FAM185A: variants seen among roughly 807,000 people sequenced by gnomAD.
The protein encoded by FAM185A is family with sequence similarity 185 member A.
A neutral mutation model predicts 45.7 loss-of-function variants in FAM185A; 21 were observed. That is an observed-to-expected ratio of 0.46 (90% CI 0.33 to 0.66). FAM185A has a LOEUF of 0.66. Ranked by LOEUF, FAM185A falls within the 30% of genes least tolerant of loss-of-function variation. The pLI, the probability that FAM185A is intolerant of heterozygous loss-of-function variation, is 0.03. For missense variants in FAM185A, 305 were observed against 485.4 expected, an observed-to-expected ratio of 0.63 and a Z score of 3.49; for synonymous variants, 117 against 194.0, an observed-to-expected ratio of 0.60 and a Z score of 3.30.
chr7:102,826,559 A>C, the FAM185A span, among the ~76,000 whole-genome samples: 2 of 150,910 alleles, frequency 1.3e-5, no homozygotes, highest in African/African-American at 2.4e-5. Flanking sequence ...AACATGGTGA[A>C]ACCCCATATC....
At chr7:102,841,267 T>G in the FAM185A span, among the ~76,000 whole-genome samples, 1 of 152,186 alleles carries the variant, frequency 6.6e-6, no homozygotes, top group Non-Finnish European at 1.5e-5. Context: ...TTTTTTAACT[T>G]TTGGCAAGTT....
At chr7:102,783,616 C>A (rs1326723072) in intron 6 of FAM185A, among the ~76,000 whole-genome samples, 1 of 148,920 alleles carries the variant, frequency 6.7e-6, no homozygotes, top group Non-Finnish European at 1.5e-5. Context: ...AACAAAGACA[C>A]AACATACCAG....
Position 102,808,530 on chromosome 7 carries a change from T to C in FAM185A, c.*128T>C. ...TGAGAATGAATACTGGTGAACTGTT[T>C]TGGGAGGCTTTTTCAAAATTTGTGC... is the stretch of plus-strand genomic sequence containing the variant. On this transcript the variant is annotated 3_prime_UTR_variant, in exon 8 of 8. Coordinates refer to ENST00000413034, the MANE Select transcript of FAM185A (RefSeq NM_001145268.2). 1 of 650,262 alleles carries C rather than the reference T, an allele frequency of 1.5e-6. No homozygotes were observed. Among genetic ancestry groups the C allele is most frequent in the Non-Finnish European group, 2.7e-6 (1 of 375,282 alleles). The allele number at this position is 650,262 out of a possible 1,614,324, so 40.3% of individuals were successfully genotyped here.
Position 102,761,393 on chromosome 7 carries a change from A to G in FAM185A, c.775A>G (p.Thr259Ala). 1 of 1,531,798 alleles carries G rather than the reference A, an allele frequency of 6.5e-7. No individual in the cohort carries two copies. The highest frequency in any genetic ancestry group is 8.8e-7 in the Non-Finnish European group (1 of 1,140,244). The allele number at this position is 1,531,798 out of a possible 1,614,324, so 94.9% of individuals were successfully genotyped here. The change falls in exon 4 of 8, where the codon ACA (threonine) becomes GCA (alanine). Residue 259 changes from threonine to alanine, a missense_variant. Physicochemically the swap from Thr to Ala is moderately conservative, Grantham distance 58. Coordinates refer to ENST00000413034, the MANE Select transcript of FAM185A (RefSeq NM_001145268.2). Reference protein sequence around the residue: ...SFLSSAAGDITLGSVHGNITL... With the variant: ...SFLSSAAGDIALGSVHGNITL... The stretch of plus-strand genomic sequence containing the variant: ...TCTGTCTTCTGCTGCTGGGGATATT[A>G]CATTAGGAAGTGTTCATGGTAAGCT...
the FAM185A span, among the ~76,000 whole-genome samples, chr7:102,840,978 A>G: frequency 6.6e-6 from 1 of 152,146 alleles, no homozygotes; most frequent in African/African-American, 2.4e-5. Flanking sequence ...GGGCTTTAGG[A>G]TGAGGAAATA....
At chr7:102,803,236 A>C (rs1796898780) in intron 7 of FAM185A, among the ~76,000 whole-genome samples, 1 of 152,166 alleles carries the variant, frequency 6.6e-6, no homozygotes, top group Non-Finnish European at 1.5e-5. Flanking sequence ...CAAAAAAGAA[A>C]ACTACAGGCT....
the FAM185A span, among the ~76,000 whole-genome samples, chr7:102,847,948 C>T: frequency 6.6e-6 from 1 of 152,154 alleles, no homozygotes; most frequent in African/African-American, 2.4e-5. Context: ...AATACATATA[C>T]ACATTGACAT....
intron 7 of FAM185A, among the ~76,000 whole-genome samples, chr7:102,798,035 A>G (rs534135927): frequency 6.6e-6 from 1 of 152,352 alleles, no homozygotes; most frequent in South Asian, 2.1e-4. Context: ...AAAAGAACAT[A>G]GAGATTCATA....
At chr7:102,823,721 T>C in the FAM185A span, among the ~76,000 whole-genome samples, 2 of 152,226 alleles carry the variant, frequency 1.3e-5, no homozygotes, top group Non-Finnish European at 2.9e-5. Context: ...CTGAAAAACA[T>C]AGGCCGTGAG....
At chr7:102,828,494 T>A in the FAM185A span, among the ~76,000 whole-genome samples, 1 of 152,222 alleles carries the variant, frequency 6.6e-6, no homozygotes, top group East Asian at 1.9e-4. Flanking sequence ...AGGATTGTCA[T>A]GGGGAATCCC....
At chr7:102,761,901 C>T (rs1211979052) in intron 4 of FAM185A, among the ~76,000 whole-genome samples, 1 of 152,070 alleles carries the variant, frequency 6.6e-6, no homozygotes, top group Non-Finnish European at 1.5e-5. Context: ...TGGGCCCAAG[C>T]GACCCACCCC....
At chr7:102,754,651 T>TA (rs1220566780) in intron 2 of FAM185A, among the ~76,000 whole-genome samples, 5 of 152,116 alleles carry the variant, frequency 3.3e-5, no homozygotes, top group African/African-American at 4.8e-5. Context: ...TTCACATAGC[T>TA]AAAAAAAATT....
intron 7 of FAM185A, among the ~76,000 whole-genome samples, chr7:102,792,956 A>G (rs1796220779): frequency 6.6e-6 from 1 of 152,166 alleles, no homozygotes; most frequent in Non-Finnish European, 1.5e-5. Context: ...AATCGGGAAA[A>G]ATCCAGTCTT....
At chr7:102,844,462 G>A in the FAM185A span, among the ~76,000 whole-genome samples, 2 of 152,094 alleles carry the variant, frequency 1.3e-5, no homozygotes, top group Non-Finnish European at 2.9e-5. Flanking sequence ...GCCTGCCTGC[G>A]GCTGCCACAA....
the FAM185A span, among the ~76,000 whole-genome samples, chr7:102,845,243 A>G: frequency 1.3e-4 from 20 of 152,162 alleles, no homozygotes; most frequent in African/African-American, 4.8e-4. Flanking sequence ...GAACTCACCA[A>G]GAGTCACCTC....
the FAM185A span, among the ~76,000 whole-genome samples, chr7:102,845,992 A>C: frequency 6.6e-6 from 1 of 152,312 alleles, no homozygotes; most frequent in Admixed American, 6.5e-5. Flanking sequence ...ACTTGGGAGA[A>C]GTTTTTAACC....
chr7:102,749,663 G>A lies in FAM185A; in HGVS notation c.451+5G>A. ...TGAACGCGCCCCTGAAGTTTGGCAA[G>A]TGAAGTGAAGTGAAAACGGGTTTGG... On this transcript the variant is annotated splice_donor_5th_base_variant and intron_variant, in intron 1 of 7. Transcript: ENST00000413034. 4.8e-6 allele frequency: 7 copies of A among 1,457,714 alleles called. No individual in the cohort carries two copies. The highest frequency in any genetic ancestry group is 2.4e-4 in the Middle Eastern group (1 of 4,188). 90.3% of individuals were successfully genotyped at this position (1,457,714 alleles called of 1,614,324 possible).
intron 7 of FAM185A, among the ~76,000 whole-genome samples, chr7:102,790,419 T>G (rs1796077325): frequency 6.6e-6 from 1 of 152,222 alleles, no homozygotes; most frequent in Admixed American, 6.5e-5. Flanking sequence ...GGATATCAAA[T>G]ATAGTGAGAA....
At chr7:102,842,650 G>C in the FAM185A span, among the ~76,000 whole-genome samples, 5 of 152,230 alleles carry the variant, frequency 3.3e-5, no homozygotes, top group African/African-American at 9.6e-5. Flanking sequence ...CTCCAGAGAG[G>C]AATGTGTAGA....
Sources: allele counts gnomAD v4.1 joint callset (sites outside exome capture counted in the v4.1 genomes callset), GRCh38; gene constraint gnomAD v4.1.1; transcripts MANE v1.5; gene names NCBI Gene and HGNC (gene_info 2026-07-23, HGNC 2026-07-21).